Variants in ARAP2 observed in about 807,000 individuals in gnomAD.
ARAP2 encodes arf-GAP with Rho-GAP domain, ANK repeat and PH domain-containing protein 2.
A neutral mutation model predicts 194.5 loss-of-function variants in ARAP2; 148 were observed. The ratio of observed to expected loss-of-function variants is 0.76; its 90% CI spans 0.67 to 0.87. ARAP2 has a LOEUF of 0.87. Ranked by LOEUF, ARAP2 falls within the 40% of genes least tolerant of loss-of-function variation. ARAP2 has a pLI of 0.00. For synonymous variants in ARAP2, 695 were observed against 683.5 expected (o/e 1.02, Z -0.26); for missense variants, 2,128 against 1,989.7 (o/e 1.07, Z -1.32).
At chr4:36,014,273 GA>G (rs1715202875) in intron 8 of ARAP2, among the ~76,000 whole-genome samples, 6 of 138,572 alleles carry the variant, frequency 4.3e-5, no homozygotes, top group African/African-American at 1.6e-4. Flanking sequence ...AAGAAAGAAA[GA>G]AAGAAAGAAA....
chr4:36,095,983 G>GT (rs1242253728), intron 27 of ARAP2, among the ~76,000 whole-genome samples: 1 of 151,930 alleles, frequency 6.6e-6, no homozygotes, highest in Non-Finnish European at 1.5e-5. Flanking sequence ...AGGTCTATCA[G>GT]TTTAATACCT....
At position 36,038,124 on chromosome 4, in the gene ARAP2, T is replaced by C. The variant is rs150408358; in HGVS notation, n.607+7855A>G. ...GGCCTTTGGATGGCCTGGCATACCT[T>C]AGACAACCACTAATACCTTAGATTG... On this transcript the variant is annotated intron_variant and non_coding_transcript_variant, in intron 5 of 12. Coordinates refer to the ARAP2 transcript ENST00000503225. Among the ~76,000 whole-genome samples, 235 of 152,318 alleles carry C rather than the reference T, an allele frequency of 1.5e-3. 6 individuals carry two copies. The East Asian group carries it at 0.033, about 21-fold the overall frequency.
intron 1 of ARAP2, among the ~76,000 whole-genome samples, chr4:36,234,410 C>T (rs1752071054): frequency 6.6e-6 from 1 of 152,198 alleles, no homozygotes; most frequent in Non-Finnish European, 1.5e-5. Flanking sequence ...ATAACCTCCC[C>T]CAAACCCCAC....
chr4:36,167,132 A>T (rs536558298), intron 9 of ARAP2, 85 bp from the exon 10 acceptor site: 22 of 806,774 alleles, frequency 2.7e-5, no homozygotes, highest in African/African-American at 2.1e-4. Flanking sequence ...AATTCCAATA[A>T]ATTCTACCAA....
intron 9 of ARAP2, among the ~76,000 whole-genome samples, chr4:36,174,238 A>G (rs1303090754): frequency 1.3e-5 from 2 of 152,232 alleles, no homozygotes; most frequent in Non-Finnish European, 2.9e-5. Context: ...ATGCTGAAAT[A>G]ATATGGAAAA....
In ARAP2 at chr4:36,066,592, A is replaced by C. The variant is rs899955264; in HGVS notation, c.*1315T>G. 6.6e-6 allele frequency: 1 copy of C among 152,114 alleles called. No individual in the cohort carries two copies. Among genetic ancestry groups the C allele is most frequent in the Non-Finnish European group, 1.5e-5 (1 of 68,028 alleles). 9.4% of individuals were successfully genotyped at this position (152,114 alleles called of 1,614,324 possible). A position where few individuals can be genotyped will look rare whatever the true frequency, so the allele number is the denominator to read the frequency against. On this transcript the variant is annotated 3_prime_UTR_variant, in exon 33 of 33. Coordinates refer to ENST00000303965, the MANE Select transcript of ARAP2 (RefSeq NM_015230.4). ...TGCTAAAAAAAAAAAACTTAGCTAC[A>C]TAATGTTTAATATCAAAACTCACCA...
At chr4:36,150,421 G>A (rs568259495) in intron 16 of ARAP2, among the ~76,000 whole-genome samples, 13 of 152,086 alleles carry the variant, frequency 8.5e-5, no homozygotes, top group East Asian at 1.9e-4. Context: ...CGGGGTGGGC[G>A]GATCACTTGA....
chr4:36,235,346 G>T (rs1752234247), intron 1 of ARAP2, among the ~76,000 whole-genome samples: 1 of 152,120 alleles, frequency 6.6e-6, no homozygotes, highest in African/African-American at 2.4e-5. Flanking sequence ...ACAGCCTCAG[G>T]GCCAGCCTCC....
intron 19 of ARAP2, among the ~76,000 whole-genome samples, chr4:36,144,955 T>C (rs529252022): frequency 9.9e-5 from 15 of 152,116 alleles, no homozygotes; most frequent in Admixed American, 4.6e-4. Flanking sequence ...ATGATTTTAA[T>C]AGCATTTTCT....
chr4:36,081,573 A>G (rs2109346362), intron 30 of ARAP2, among the ~76,000 whole-genome samples: 1 of 152,324 alleles, frequency 6.6e-6, no homozygotes, highest in Admixed American at 6.5e-5. Context: ...AATTCACAGA[A>G]GTTTTAAAGC....
chr4:36,190,122 G>A (rs1741540050), intron 7 of ARAP2, among the ~76,000 whole-genome samples: 2 of 152,174 alleles, frequency 1.3e-5, no homozygotes, highest in Non-Finnish European at 2.9e-5. Flanking sequence ...GCTCTGCAAC[G>A]AATTGTCTTC....
At chr4:36,079,912 G>A (rs1729116399) in intron 31 of ARAP2, among the ~76,000 whole-genome samples, 2 of 152,086 alleles carry the variant, frequency 1.3e-5, no homozygotes, top group Non-Finnish European at 1.5e-5. Context: ...TAGGATGACA[G>A]CTTAGAAAAG....
intron 9 of ARAP2, among the ~76,000 whole-genome samples, chr4:36,009,530 G>A (rs909374797): frequency 1.3e-4 from 20 of 152,050 alleles, no homozygotes; most frequent in African/African-American, 4.6e-4. Context: ...GGGATAAAGG[G>A]AGAGGGTAAG....
intron 5 of ARAP2, among the ~76,000 whole-genome samples, chr4:36,042,242 A>G (rs1720987105): frequency 6.6e-6 from 1 of 152,242 alleles, no homozygotes; most frequent in African/African-American, 2.4e-5. Context: ...ATATGAAAAT[A>G]AAACATTTGC....
chr4:36,196,010 A>G (rs1463913312), intron 6 of ARAP2, among the ~76,000 whole-genome samples: 3 of 152,360 alleles, frequency 2.0e-5, no homozygotes, highest in Middle Eastern at 3.4e-3. Flanking sequence ...TGGGTGGGAT[A>G]ACAGACAAAT....
intron 15 of ARAP2, among the ~76,000 whole-genome samples, chr4:36,154,002 C>T (rs1331599794): frequency 6.6e-6 from 1 of 152,124 alleles, no homozygotes; most frequent in Non-Finnish European, 1.5e-5. Flanking sequence ...GGAAGGAACT[C>T]CATGCAATTG....
intron 9 of ARAP2, among the ~76,000 whole-genome samples, chr4:36,008,872 C>G (rs1329296910): frequency 2.0e-5 from 3 of 151,768 alleles, no homozygotes; most frequent in African/African-American, 4.8e-5. Flanking sequence ...TAACCTTATT[C>G]AAAATTGGGC....
intron 5 of ARAP2, among the ~76,000 whole-genome samples, chr4:36,041,059 A>G (rs1451769283): frequency 3.3e-5 from 5 of 151,802 alleles, no homozygotes; most frequent in African/African-American, 1.2e-4. Context: ...GTTGAATTTT[A>G]TGGAAAGCCT....
rs193031677 is a variant in ARAP2, at chr4:36,161,449, G to A, written c.2259+16C>T. Reference sequence around the variant, plus strand: ...GAACCCCTATCACAACCCCATTCAGGTTAAATAGGACTCACCTCGATGAGT... The same window carrying A: ...GAACCCCTATCACAACCCCATTCAGATTAAATAGGACTCACCTCGATGAGT... On this transcript the variant is annotated intron_variant, in intron 12 of 32. Coordinates refer to ENST00000303965, the MANE Select transcript of ARAP2 (RefSeq NM_015230.4). 1.2e-6 allele frequency: 2 copies of A among 1,604,432 alleles called. No individual in the cohort carries two copies. The highest frequency in any genetic ancestry group is 3.3e-5 in the Admixed American group (2 of 59,998).
Sources: gnomAD v4.1 joint callset for allele counts (sites outside exome capture counted in the v4.1 genomes callset) on GRCh38, gnomAD v4.1.1 for gene constraint, MANE v1.5 for transcripts, NCBI Gene and HGNC (gene_info 2026-07-23, HGNC 2026-07-21) for gene names.